The following ABCC9 variants were observed in gnomAD, a reference collection of about 807,000 sequenced individuals.
ABCC9 encodes ATP binding cassette subfamily C member 9, also known as ATP-binding cassette sub-family C member 9.
Under a neutral mutation model 188.3 loss-of-function variants are expected in ABCC9, and 95 were observed. The ratio of observed to expected loss-of-function variants is 0.50; its 90% CI spans 0.43 to 0.60. The LOEUF (loss-of-function observed/expected upper bound fraction) is 0.60, where lower values mean the gene tolerates loss of function less well. Ranked by LOEUF, ABCC9 falls within the 20% of genes least tolerant of loss-of-function variation. ABCC9 has a pLI of 0.00. For missense variants in ABCC9, 1,102 were observed against 1,876.3 expected (o/e 0.59, Z 7.62); for synonymous variants, 659 against 652.7 (o/e 1.01, Z -0.15).
At chr12:21,903,210 G>T (rs922353033) in intron 12 of ABCC9, among the ~76,000 whole-genome samples, 1 of 152,070 alleles carries the variant, frequency 6.6e-6, no homozygotes. Context: ...TGCAGAAAAG[G>T]CCTTTGACAA....
chr12:21,926,059 G>A lies in ABCC9; in HGVS notation c.289C>T (p.Arg97Trp), dbSNP rs727502875. 6 of 1,613,956 alleles carry A rather than the reference G, an allele frequency of 3.7e-6. No homozygotes were observed. Among genetic ancestry groups the A allele is most frequent in the Non-Finnish European group, 5.1e-6 (6 of 1,179,936 alleles). The change falls in exon 5 of 40, where the codon CGG becomes TGG. Residue 97 changes from arginine (R) to tryptophan (W), a missense_variant. Physicochemically the swap from Arg to Trp is moderately radical, Grantham distance 101. Around this residue, in one of 12 missense-constraint regions of ABCC9, gnomAD observed 305 missense variants for 573.0 expected, o/e 0.53. Transcript: ENST00000261200. ...AAGAGGTGGAGGTGCCTTGATTCCCGCCGCCTAGAAAGAGCAGTACGTCAA... is the reference window on the plus strand; with the variant it reads ...AAGAGGTGGAGGTGCCTTGATTCCCACCGCCTAGAAAGAGCAGTACGTCAA... ...IAEGIVSDSR[R>W]ESRHLHLFMP...
intron 5 of ABCC9, chr12:21,923,989 AAAG>A: frequency 1.9e-6 from 1 of 536,354 alleles, no homozygotes; most frequent in Non-Finnish European, 3.3e-6. Context: ...ATGCTTAGAA[AAAG>A]AAGCCTTACT....
At chr12:21,855,167 AT>A (rs966345586) in intron 22 of ABCC9, among the ~76,000 whole-genome samples, 2 of 152,126 alleles carry the variant, frequency 1.3e-5, no homozygotes, top group Non-Finnish European at 2.9e-5. Context: ...TTGAAAATAA[AT>A]TTTTATAATA....
intron 20 of ABCC9, among the ~76,000 whole-genome samples, 172 bp from the exon 21 acceptor site, chr12:21,861,227 C>T (rs2418018): frequency 9.6e-6 from 1 of 104,476 alleles, no homozygotes; most frequent in South Asian, 2.8e-4. Context: ...ACTACTTCCC[C>T]CCCCTTTTTT....
chr12:21,840,107 A>T lies in ABCC9; in HGVS notation c.3474-1937T>A, dbSNP rs557513151. Among the ~76,000 whole-genome samples the T allele has an allele frequency of 2.0e-5, 3 of 152,322 alleles. No individual in the cohort carries two copies. In the South Asian group the frequency reaches 6.2e-4, roughly 32 times the overall value. ...AGGTGAGGGCACAGCTTGATCTTGTATTCTTGCAAGAAGGAAACAGTTACT... is the reference window on the plus strand; with the variant it reads ...AGGTGAGGGCACAGCTTGATCTTGTTTTCTTGCAAGAAGGAAACAGTTACT... On this transcript the variant is annotated intron_variant, in intron 29 of 39. Transcript: ENST00000261200.
intron 39 of ABCC9, among the ~76,000 whole-genome samples, chr12:21,804,750 G>C (rs947767359): frequency 6.6e-6 from 1 of 152,154 alleles, no homozygotes; most frequent in Non-Finnish European, 1.5e-5. Context: ...CAAGAAAGTG[G>C]AAGCATAGCA....
At chr12:21,843,672 G>A (rs1278139334) in intron 28 of ABCC9, among the ~76,000 whole-genome samples, 1 of 152,130 alleles carries the variant, frequency 6.6e-6, no homozygotes, top group Admixed American at 6.6e-5. Flanking sequence ...TTCTCTAAGT[G>A]ACAATCATGT....
chr12:21,909,501 G>A (rs1483411121), intron 10 of ABCC9, among the ~76,000 whole-genome samples: 1 of 151,802 alleles, frequency 6.6e-6, no homozygotes, highest in Admixed American at 6.6e-5. Flanking sequence ...TATTTCTTTT[G>A]CCATTTTTAC....
In ABCC9 at chr12:21,814,724, T is replaced by C; in HGVS notation, c.4024-2A>G. On this transcript the variant is annotated splice_acceptor_variant, in intron 34 of 39. Transcript: ENST00000261200. LOFTEE classifies it high-confidence loss of function. ...GCCAGTGCGACCACATATGCCCACC[T>C]AGGAAAACAGCTGTCACTCAAAGAG... 2.5e-6 allele frequency: 4 copies of C among 1,613,578 alleles called. No homozygotes were observed. The highest frequency in any genetic ancestry group is 3.4e-6 in the Non-Finnish European group (4 of 1,179,604).
Position 21,933,766 on chromosome 12 carries a change from A to G in ABCC9, c.284+16T>C. On this transcript the variant is annotated intron_variant, in intron 4 of 39. Coordinates refer to ENST00000261200, the MANE Select transcript of ABCC9 (RefSeq NM_020297.4). ...CTGGTATACTGCAGTGGTATTATTT[A>G]ACTTAGATCACTTACGAGTCTGAAA... 2 of 1,613,174 alleles carry G rather than the reference A, an allele frequency of 1.2e-6. No individual in the cohort carries two copies. Among genetic ancestry groups the G allele is most frequent in the Non-Finnish European group, 1.7e-6 (2 of 1,179,244 alleles).
At chr12:21,835,154 T>G (rs1517284) in intron 30 of ABCC9, among the ~76,000 whole-genome samples, 17,471 of 152,018 alleles carry the variant, frequency 0.11, 1,124 homozygotes, top group Non-Finnish European at 0.13. Context: ...TCTGTCCAAA[T>G]TAGGAGGGCT....
chr12:21,845,907 T>C (rs1944640482), intron 25 of ABCC9, 75 bp from the exon 26 acceptor site: 2 of 1,046,850 alleles, frequency 1.9e-6, no homozygotes, highest in South Asian at 1.3e-5. Context: ...CCACAAATAG[T>C]ATATAAACAT....
intron 35 of ABCC9, among the ~76,000 whole-genome samples, chr12:21,814,365 C>T (rs1294147162): frequency 1.3e-5 from 2 of 152,194 alleles, no homozygotes; most frequent in East Asian, 3.8e-4. Flanking sequence ...CCACCTACTG[C>T]TATTCAAAGT....
At chr12:21,839,418 G>GT (rs1207878078) in intron 29 of ABCC9, among the ~76,000 whole-genome samples, 2 of 152,224 alleles carry the variant, frequency 1.3e-5, no homozygotes, top group Admixed American at 1.3e-4. Context: ...TTTGGACACA[G>GT]TGAGTTTGAA....
chr12:21,882,915 A>C, intron 15 of ABCC9, 42 bp from the exon 16 acceptor site: 6 of 1,516,636 alleles, frequency 4.0e-6, no homozygotes, highest in Non-Finnish European at 5.5e-6. Flanking sequence ...AGGCTTTATT[A>C]AAAAAATGAA....
At chr12:21,901,116 C>T (rs1054435389) in intron 12 of ABCC9, among the ~76,000 whole-genome samples, 1 of 152,204 alleles carries the variant, frequency 6.6e-6, no homozygotes, top group Non-Finnish European at 1.5e-5. Context: ...TCGACAGAAA[C>T]TCTACAAGCC....
chr12:21,918,930 T>G lies in ABCC9; in HGVS notation c.407-1827A>C, dbSNP rs1223408494. On this transcript the variant is annotated intron_variant, in intron 5 of 39. Transcript: ENST00000261200. ...TAAAAGCTTCAAAATATTTGGAAATTAAACAACACATTACTAATAATCCAC... is the reference window on the plus strand; with the variant it reads ...TAAAAGCTTCAAAATATTTGGAAATGAAACAACACATTACTAATAATCCAC... 2.0e-5 allele frequency among the ~76,000 whole-genome samples: 3 copies of G among 152,210 alleles called. No homozygotes were observed. The East Asian group carries it at 5.8e-4, about 29-fold the overall frequency.
In ABCC9 at chr12:21,845,594, C is replaced by A. The variant is rs765048337; in HGVS notation, c.3096+9G>T. 9 of 1,610,670 alleles carry A rather than the reference C, an allele frequency of 5.6e-6. No homozygotes were observed. In the African/African-American group the frequency reaches 1.2e-4, roughly 22 times the overall value. Reference sequence around the variant, plus strand: ...TGATGATTTAAAAACAAAACCGAACCAATTGTACCTGATCAGCTTTTCCAG... The same window carrying A: ...TGATGATTTAAAAACAAAACCGAACAAATTGTACCTGATCAGCTTTTCCAG... On this transcript the variant is annotated intron_variant, in intron 26 of 39. Coordinates refer to ENST00000261200, the MANE Select transcript of ABCC9 (RefSeq NM_020297.4).
At chr12:21,859,725 AAT>A in intron 21 of ABCC9, 59 bp from the exon 22 acceptor site, 1 of 1,396,114 alleles carries the variant, frequency 7.2e-7, no homozygotes, top group Non-Finnish European at 1.0e-6. Context: ...ATCTTTTGGT[AAT>A]ATGACCTTAA....
Sources: gnomAD v4.1 joint callset for allele counts (sites outside exome capture counted in the v4.1 genomes callset) on GRCh38, gnomAD v4.1.1 for gene constraint, gnomAD v4.1.1 regional missense constraint, MANE v1.5 for transcripts, NCBI Gene and HGNC (gene_info 2026-07-23, HGNC 2026-07-21) for gene names.